The following CLDN14 variants were observed in gnomAD, a reference collection of about 807,000 sequenced individuals.
CLDN14 encodes claudin 14.
In CLDN14, 2 loss-of-function variants were observed where a neutral mutation model predicts 2.1. The observed-to-expected ratio is 0.96, with a 90% CI of 0.39 to 3.01. CLDN14 has a LOEUF of 3.01. Among genes scored for constraint, CLDN14 ranks in the 30% most tolerant of loss-of-function variants. The pLI, the probability that CLDN14 is intolerant of heterozygous loss-of-function variation, is 0.09. For missense variants in CLDN14, 298 were observed against 328.0 expected (o/e 0.91, Z 0.71); for synonymous variants, 136 against 154.4 (o/e 0.88, Z 0.88).
rs2087521583 is a variant in CLDN14 at position 36,545,672 on chromosome 21, C to T, written c.-220+30739G>A. Among the ~76,000 whole-genome samples, 3 of 152,122 alleles carry T rather than the reference C, an allele frequency of 2.0e-5. No homozygotes were observed. In the South Asian group the frequency reaches 6.2e-4, roughly 32 times the overall value. The stretch of plus-strand genomic sequence containing the variant: ...AAATATGTTAGTATCTGCCCCCACT[C>T]TGTATTTGACCATTTATATCTCAAT... On this transcript the variant is annotated intron_variant, in intron 1 of 2. Transcript: ENST00000342108.
At chr21:36,534,227 G>A (rs976094743) in intron 1 of CLDN14, among the ~76,000 whole-genome samples, 5 of 151,966 alleles carry the variant, frequency 3.3e-5, no homozygotes, top group African/African-American at 4.8e-5. Flanking sequence ...TCAGCCTCCC[G>A]AGTAGCTGGG....
rs2086823606 is a variant in CLDN14 at position 36,479,765 on chromosome 21, G to A, written c.-352C>T. 1 of 152,226 alleles carries A rather than the reference G, an allele frequency of 6.6e-6. No individual in the cohort carries two copies. The highest frequency in any genetic ancestry group is 6.5e-5 in the Admixed American group (1 of 15,272). 9.4% of individuals were successfully genotyped at this position (152,226 alleles called of 1,614,324 possible). A position where few individuals can be genotyped will look rare whatever the true frequency, so the allele number is the denominator to read the frequency against. On this transcript the variant is annotated 5_prime_UTR_variant, in exon 1 of 2. Coordinates refer to ENST00000399135, the MANE Select transcript of CLDN14 (RefSeq NM_001146079.2). The stretch of plus-strand genomic sequence containing the variant: ...CATGAGAGGAGGTGGCTTGGCCAGA[G>A]CAGACATTCAAGACCAACCAGAAAT...
intron 1 of CLDN14, among the ~76,000 whole-genome samples, chr21:36,533,475 A>G (rs545918348): frequency 1.3e-5 from 2 of 152,358 alleles, no homozygotes; most frequent in African/African-American, 4.8e-5. Flanking sequence ...TCGAGAGTTT[A>G]AAGTGGGGCG....
rs887024328 is a variant in CLDN14, at chr21:36,521,751, T to C, written c.-219-11251A>G. On this transcript the variant is annotated intron_variant, in intron 1 of 2. Coordinates refer to the CLDN14 transcript ENST00000342108. ...CAAATGGTACCACCTGATGCAGAGA[T>C]AACATTGGCCTGGGGTCCTTGTGTC... Among the ~76,000 whole-genome samples, 6 of 152,204 alleles carry C rather than the reference T, an allele frequency of 3.9e-5. No homozygotes were observed. In the East Asian group the frequency reaches 5.8e-4, roughly 15 times the overall value.
At position 36,461,477 on chromosome 21, in the gene CLDN14, C is replaced by T. The variant is rs1438034670; in HGVS notation, c.219G>A (p.Leu73=). The T allele has an allele frequency of 2.5e-6, 4 of 1,613,318 alleles. No individual in the cohort carries two copies. The highest frequency in any genetic ancestry group is 2.2e-5 in the South Asian group (2 of 91,092). The change falls in exon 2 of 2, where the codon CTG becomes CTA. Residue 73 remains leucine, a synonymous_variant. Transcript: ENST00000399135. ...QCQIYRSLLA[L]PQDLQAARAL... ...CGCGGGCAGCCTGGAGGTCTTGGGG[C>T]AGCGCCAGCAGGGATCGGTAGATCT... is the stretch of plus-strand genomic sequence containing the variant.
Position 36,516,010 on chromosome 21 carries a change from A to T in CLDN14, c.-219-5510T>A, listed in dbSNP as rs1306936328. On this transcript the variant is annotated intron_variant, in intron 1 of 2. Transcript: ENST00000342108. The stretch of plus-strand genomic sequence containing the variant: ...ACCATGTTGGCCAGGCTGGTCTCGA[A>T]CTCCTGACCTCAGGTGATCCCCCTG... Among the ~76,000 whole-genome samples, 4 of 151,576 alleles carry T rather than the reference A, an allele frequency of 2.6e-5. No individual in the cohort carries two copies. In the East Asian group the frequency reaches 7.8e-4, roughly 30 times the overall value.
intron 2 of CLDN14, among the ~76,000 whole-genome samples, chr21:36,500,777 T>C (rs913012701): frequency 1.3e-5 from 2 of 152,260 alleles, no homozygotes; most frequent in Non-Finnish European, 2.9e-5. Context: ...TATTTTCTTT[T>C]CTTTTTACAA....
rs1043992514 is a variant in CLDN14, at chr21:36,499,572, C to T, written c.-82+10791G>A. 6.6e-6 allele frequency among the ~76,000 whole-genome samples: 1 copy of T among 152,082 alleles called. No homozygotes were observed. Among genetic ancestry groups the T allele is most frequent in the African/African-American group, 2.4e-5 (1 of 41,420 alleles). On this transcript the variant is annotated intron_variant, in intron 2 of 2. Coordinates refer to the CLDN14 transcript ENST00000342108. The surrounding 1 kb of genome is among the most constrained non-coding windows in gnomAD (Gnocchi z 4.7). The stretch of plus-strand genomic sequence containing the variant: ...TTGTTGCAATGTCCGTACCAGGGCC[C>T]CAACCCAGACCTACCGAATCAGAAT...
intron 1 of CLDN14, among the ~76,000 whole-genome samples, chr21:36,475,550 T>C (rs1191102489): frequency 2.0e-5 from 3 of 152,140 alleles, no homozygotes; most frequent in African/African-American, 7.2e-5. Context: ...TGAGAACCAA[T>C]GGCTTATTTA....
At chr21:36,477,467 G>T (rs1045563060) in intron 1 of CLDN14, 4 of 152,228 alleles carry the variant, frequency 2.6e-5, no homozygotes, top group Non-Finnish European at 5.9e-5. Context: ...GTGCCCAAGA[G>T]TGGCCGCCAG....
rs924026403 is a variant in CLDN14 at position 36,499,422 on chromosome 21, G to A, written c.-82+10941C>T. Among the ~76,000 whole-genome samples the A allele has an allele frequency of 5.3e-5, 8 of 152,132 alleles. No individual in the cohort carries two copies. Among genetic ancestry groups the A allele is most frequent in the Non-Finnish European group, 1.0e-4 (7 of 68,018 alleles). On this transcript the variant is annotated intron_variant, in intron 2 of 2. Transcript: ENST00000342108. This position sits in a 1 kb window ranked among gnomAD's most constrained non-coding sequence, Gnocchi z 4.7. The stretch of plus-strand genomic sequence containing the variant: ...TACACACAGCCTTTTTGTTTTATGG[G>A]CTGGGTTCCTACAGAGAGTTATGAA...
intron 1 of CLDN14, among the ~76,000 whole-genome samples, chr21:36,559,322 A>T (rs1376565166): frequency 6.6e-6 from 1 of 152,074 alleles, no homozygotes; most frequent in Non-Finnish European, 1.5e-5. Context: ...TCAGCCTCCC[A>T]GGTAGCTGGG....
intron 1 of CLDN14, among the ~76,000 whole-genome samples, chr21:36,523,268 T>A (rs1454740013): frequency 6.6e-6 from 1 of 152,204 alleles, no homozygotes; most frequent in East Asian, 1.9e-4. Context: ...GACTGATCCA[T>A]CTCCTCTTGA....
chr21:36,495,596 T>G (rs2087008648), intron 2 of CLDN14, among the ~76,000 whole-genome samples: 1 of 152,234 alleles, frequency 6.6e-6, no homozygotes, highest in Non-Finnish European at 1.5e-5. Context: ...CAGATGCTGA[T>G]GTTTACAATG....
rs1667877105 is a variant in CLDN14, at chr21:36,551,085, G to C, written c.-220+25326C>G. 6.6e-6 allele frequency among the ~76,000 whole-genome samples: 1 copy of C among 152,218 alleles called. No homozygotes were observed. The highest frequency in any genetic ancestry group is 2.4e-5 in the African/African-American group (1 of 41,464). Reference sequence around the variant, plus strand: ...TGGTGTGGCCAGCCGGCAGCCACCAGAGTGGGGAGGGGGCACGGAACAGAC... The same window carrying C: ...TGGTGTGGCCAGCCGGCAGCCACCACAGTGGGGAGGGGGCACGGAACAGAC... On this transcript the variant is annotated intron_variant, in intron 1 of 2. Transcript: ENST00000342108. The surrounding 1 kb of genome is among the most constrained non-coding windows in gnomAD (Gnocchi z 4.8).
At chr21:36,511,898 G>T (rs1011079973) in intron 1 of CLDN14, among the ~76,000 whole-genome samples, 1 of 152,176 alleles carries the variant, frequency 6.6e-6, no homozygotes, top group Admixed American at 6.5e-5. Flanking sequence ...TCTAGAATAG[G>T]TTTATTTGTA....
intron 2 of CLDN14, among the ~76,000 whole-genome samples, chr21:36,492,230 C>A (rs538035446): frequency 6.9e-6 from 1 of 145,256 alleles, no homozygotes; most frequent in Non-Finnish European, 1.5e-5. Context: ...GTCAGGAGAT[C>A]GAGACCATCC....
intron 2 of CLDN14, among the ~76,000 whole-genome samples, chr21:36,508,581 T>G (rs2087155163): frequency 6.6e-6 from 1 of 152,110 alleles, no homozygotes. Flanking sequence ...CCAGGAGTAG[T>G]GGGCAGAGGG....
rs1164424180 is a variant in CLDN14, at chr21:36,555,682, A to G, written c.-220+20729T>C. On this transcript the variant is annotated intron_variant, in intron 1 of 2. Transcript: ENST00000342108. The stretch of plus-strand genomic sequence containing the variant: ...AGGCTGGTCAGGTGGTATGTGGGAC[A>G]TTGCCCAAAGATGTCTAGGTCCCAC... 2.6e-5 allele frequency among the ~76,000 whole-genome samples: 4 copies of G among 152,062 alleles called. No homozygotes were observed. In the East Asian group the frequency reaches 7.7e-4, roughly 29 times the overall value.
Sources: allele counts gnomAD v4.1 joint callset (sites outside exome capture counted in the v4.1 genomes callset), GRCh38; gene constraint gnomAD v4.1.1; non-coding constraint Gnocchi (gnomAD v3.1); transcripts MANE v1.5; gene names NCBI Gene and HGNC (gene_info 2026-07-23, HGNC 2026-07-21).